CTNNA2: variants seen among roughly 807,000 people sequenced by gnomAD.
The protein encoded by CTNNA2 is catenin alpha 2, also known as catenin alpha-2.
A neutral mutation model predicts 101.0 loss-of-function variants in CTNNA2; 42 were observed. The observed-to-expected ratio is 0.42, with a 90% CI of 0.32 to 0.54. The LOEUF (loss-of-function observed/expected upper bound fraction) is 0.54. Among genes scored for constraint, CTNNA2 ranks in the 20% least tolerant of loss-of-function variants. The pLI, the probability that CTNNA2 is intolerant of heterozygous loss-of-function variation, is 0.14. For synonymous variants in CTNNA2, 450 were observed against 456.4 expected (o/e 0.99, Z 0.18); for missense variants, 871 against 1,223.1 (o/e 0.71, Z 4.29).
chr2:79,542,268 G>A (rs759640827), intron 1 of CTNNA2, among the ~76,000 whole-genome samples: 2 of 151,962 alleles, frequency 1.3e-5, no homozygotes, highest in Non-Finnish European at 1.5e-5. Context: ...CTTCAAAATC[G>A]AAAGAAAGAA....
At chr2:79,553,704 G>A (rs186026266) in intron 1 of CTNNA2, among the ~76,000 whole-genome samples, 1 of 152,278 alleles carries the variant, frequency 6.6e-6, no homozygotes, top group African/African-American at 2.4e-5. Context: ...TCACTATCAT[G>A]AGAACAACAG....
At chr2:80,521,535 G>A (rs968748837) in intron 9 of CTNNA2, among the ~76,000 whole-genome samples, 4 of 152,118 alleles carry the variant, frequency 2.6e-5, no homozygotes, top group African/African-American at 9.7e-5. Flanking sequence ...TATCCAGGTG[G>A]GCCCAATGTA....
chr2:80,611,654 A>T (rs1698477258), intron 17 of CTNNA2, among the ~76,000 whole-genome samples: 1 of 151,660 alleles, frequency 6.6e-6, no homozygotes, highest in African/African-American at 2.4e-5. Flanking sequence ...AATAAAAATC[A>T]TTCCATGACC....
chr2:80,408,817 ATCT>A (rs1319382211), intron 8 of CTNNA2, among the ~76,000 whole-genome samples: 1 of 152,138 alleles, frequency 6.6e-6, no homozygotes, highest in Non-Finnish European at 1.5e-5. Context: ...AAACACATAG[ATCT>A]TAAGTAAAAT....
intron 7 of CTNNA2, among the ~76,000 whole-genome samples, chr2:80,230,537 A>G (rs961902102): frequency 6.6e-6 from 1 of 152,042 alleles, no homozygotes; most frequent in African/African-American, 2.4e-5. Context: ...TCAGTTTCTC[A>G]TCAAACAAAT....
chr2:80,210,336 T>C (rs143492838), intron 7 of CTNNA2, among the ~76,000 whole-genome samples: 1,563 of 152,214 alleles, frequency 0.01, 27 homozygotes, highest in African/African-American at 0.036. Context: ...TTATATTAGG[T>C]ATATCGCCTA....
intron 1 of CTNNA2, among the ~76,000 whole-genome samples, chr2:79,641,037 G>T (rs1184021667): frequency 1.3e-5 from 2 of 152,150 alleles, no homozygotes; most frequent in Non-Finnish European, 2.9e-5. Context: ...TTAGGAAGAG[G>T]CATGAACCAT....
chr2:80,627,663 T>C (rs1671823811), intron 18 of CTNNA2, among the ~76,000 whole-genome samples: 1 of 152,202 alleles, frequency 6.6e-6, no homozygotes, highest in Non-Finnish European at 1.5e-5. Context: ...AGGTTGCATG[T>C]TCACTCTGAT....
chr2:80,539,324 G>T (rs72823736), intron 9 of CTNNA2, among the ~76,000 whole-genome samples: 1,172 of 60,294 alleles, frequency 0.019, 5 homozygotes, highest in Non-Finnish European at 0.039. Flanking sequence ...TTTTTTTTTT[G>T]TTGTTGTTGT....
At chr2:80,295,597 G>GA (rs1484256188) in intron 7 of CTNNA2, among the ~76,000 whole-genome samples, 4 of 152,092 alleles carry the variant, frequency 2.6e-5, no homozygotes, top group East Asian at 1.9e-4. Flanking sequence ...TTATTGTGGG[G>GA]AAAAAATGGT....
chr2:79,426,805 T>A (rs2104506747), intron 4 of CTNNA2, among the ~76,000 whole-genome samples: 1 of 152,248 alleles, frequency 6.6e-6, no homozygotes, highest in South Asian at 2.1e-4. Flanking sequence ...GTCAATAAAA[T>A]TTTATAGAAC....
intron 7 of CTNNA2, among the ~76,000 whole-genome samples, chr2:80,019,725 A>G (rs1211723832): frequency 2.0e-5 from 3 of 152,160 alleles, no homozygotes; most frequent in Non-Finnish European, 4.4e-5. Context: ...CCAAATTCCT[A>G]AAGTAGCATC....
intron 13 of CTNNA2, chr2:80,576,466 AAT>A (rs1695059592): frequency 2.0e-5 from 3 of 151,052 alleles, no homozygotes; most frequent in South Asian, 2.1e-4. Flanking sequence ...GTGGCTTAAA[AAT>A]ATATATGCAA....
chr2:80,574,145 T>A lies in CTNNA2; in HGVS notation c.1742-18T>A. The A allele has an allele frequency of 1.2e-5, 19 of 1,605,254 alleles. No homozygotes were observed. Among genetic ancestry groups the A allele is most frequent in the Non-Finnish European group, 1.6e-5 (19 of 1,174,164 alleles). On this transcript the variant is annotated intron_variant, in intron 12 of 18. Coordinates refer to ENST00000402739, the MANE Select transcript of CTNNA2 (RefSeq NM_001282597.3). ...AGAGAGAAATTGCCTAATCCTCTGC[T>A]TTTTATTTTTAACCCAGTGATGCCA... is the stretch of plus-strand genomic sequence containing the variant.
intron 7 of CTNNA2, among the ~76,000 whole-genome samples, chr2:79,995,119 TCTGGAGGCTGA>T (rs1179722185): frequency 6.6e-6 from 1 of 152,202 alleles, no homozygotes; most frequent in African/African-American, 2.4e-5. Flanking sequence ...TTAAATGGCA[TCTGGAGGCTGA>T]GTCAGTTCTC....
At chr2:80,157,746 T>G (rs1704070615) in intron 7 of CTNNA2, among the ~76,000 whole-genome samples, 1 of 152,130 alleles carries the variant, frequency 6.6e-6, no homozygotes, top group East Asian at 1.9e-4. Context: ...GTATGGTATG[T>G]CTGTGACATG....
chr2:80,396,574 C>T (rs1338457244), intron 8 of CTNNA2, among the ~76,000 whole-genome samples: 1 of 152,152 alleles, frequency 6.6e-6, no homozygotes, highest in Non-Finnish European at 1.5e-5. Flanking sequence ...CCAACTGTAC[C>T]CCTATTCCCT....
intron 7 of CTNNA2, among the ~76,000 whole-genome samples, chr2:80,348,336 G>A (rs1164698259): frequency 2.6e-5 from 4 of 152,122 alleles, no homozygotes; most frequent in Non-Finnish European, 4.4e-5. Flanking sequence ...TTGCTTAATT[G>A]AATTTCATTT....
intron 7 of CTNNA2, among the ~76,000 whole-genome samples, chr2:80,005,236 C>A (rs1190338777): frequency 1.3e-5 from 2 of 152,104 alleles, no homozygotes; most frequent in Admixed American, 1.3e-4. Flanking sequence ...TGTACTTTTA[C>A]AACGTAGAAG....
Sources: allele counts gnomAD v4.1 joint callset (sites outside exome capture counted in the v4.1 genomes callset), GRCh38; gene constraint gnomAD v4.1.1; transcripts MANE v1.5; gene names NCBI Gene and HGNC (gene_info 2026-07-23, HGNC 2026-07-21).